DGKI: variants seen among roughly 807,000 people sequenced by gnomAD.
DGKI encodes the protein DAG kinase iota.
Under a neutral mutation model 147.5 loss-of-function variants are expected in DGKI, and 55 were observed. That is an observed-to-expected ratio of 0.37 (90% CI 0.30 to 0.47). The LOEUF (loss-of-function observed/expected upper bound fraction) is 0.47. Ranked by LOEUF, DGKI falls within the 20% of genes least tolerant of loss-of-function variation. The probability of loss-of-function intolerance (pLI) is 1.00; values close to 1 mark genes in which losing one functional copy is unlikely to be tolerated. For missense variants in DGKI, 1,007 were observed against 1,323.8 expected (o/e 0.76, Z 3.71); for synonymous variants, 469 against 477.1 (o/e 0.98, Z 0.22).
intron 1 of DGKI, among the ~76,000 whole-genome samples, chr7:137,699,458 G>A (rs2116503028): frequency 6.6e-6 from 1 of 152,304 alleles, no homozygotes; most frequent in African/African-American, 2.4e-5. Flanking sequence ...TGTACCTTCA[G>A]GGAAGTCTAC....
chr7:137,675,179 C>A (rs970610118), intron 3 of DGKI, among the ~76,000 whole-genome samples: 1 of 152,104 alleles, frequency 6.6e-6, no homozygotes, highest in Non-Finnish European at 1.5e-5. Flanking sequence ...GACCTCTTGC[C>A]CAAAGCAGCT....
chr7:137,603,261 G>A (rs1487404444), intron 10 of DGKI, among the ~76,000 whole-genome samples: 2 of 152,104 alleles, frequency 1.3e-5, no homozygotes, highest in Non-Finnish European at 2.9e-5. Flanking sequence ...TCAAGAACGG[G>A]TCGGTTCAAA....
intron 1 of DGKI, among the ~76,000 whole-genome samples, chr7:137,718,028 G>C (rs1794432510): frequency 6.6e-6 from 1 of 152,156 alleles, no homozygotes; most frequent in South Asian, 2.1e-4. Context: ...AATGTGCTTA[G>C]AGTGCCGTCC....
In DGKI at chr7:137,552,587, A is replaced by G; in HGVS notation, c.1948-19T>C. 6.2e-7 allele frequency: 1 copy of G among 1,612,520 alleles called. No homozygotes were observed. The highest frequency in any genetic ancestry group is 8.5e-7 in the Non-Finnish European group (1 of 1,179,144). On this transcript the variant is annotated intron_variant, in intron 19 of 32. Transcript: ENST00000614521. Reference sequence around the variant, plus strand: ...GGGCTGCCTATAAAAACAAGAGTCAAAGGGGAGCAAGGAGTTAGTTATTAT... The same window carrying G: ...GGGCTGCCTATAAAAACAAGAGTCAGAGGGGAGCAAGGAGTTAGTTATTAT...
chr7:137,626,456 G>A (rs1358939684), intron 6 of DGKI, among the ~76,000 whole-genome samples: 9 of 151,866 alleles, frequency 5.9e-5, no homozygotes, highest in African/African-American at 2.2e-4. Flanking sequence ...AGTTGCAACC[G>A]CCTAAACAGA....
intron 21 of DGKI, among the ~76,000 whole-genome samples, chr7:137,509,960 A>G (rs1816522358): frequency 6.6e-6 from 1 of 152,304 alleles, no homozygotes; most frequent in African/African-American, 2.4e-5. Context: ...AGAAAAAAAA[A>G]GGAGATGTTA....
intron 6 of DGKI, among the ~76,000 whole-genome samples, chr7:137,638,640 ATG>A (rs1426702314): frequency 4.5e-4 from 18 of 40,288 alleles, no homozygotes; most frequent in African/African-American, 2.4e-3. Flanking sequence ...GTGTGTATAT[ATG>A]TGTATGTATA....
chr7:137,672,005 TG>T (rs1822856863), intron 3 of DGKI, among the ~76,000 whole-genome samples: 1 of 152,222 alleles, frequency 6.6e-6, no homozygotes, highest in African/African-American at 2.4e-5. Flanking sequence ...TCCTGAAGTC[TG>T]ACAGTTCCAT....
At chr7:137,723,767 T>C (rs974920719) in intron 1 of DGKI, among the ~76,000 whole-genome samples, 3 of 137,624 alleles carry the variant, frequency 2.2e-5, no homozygotes, top group African/African-American at 8.2e-5. Flanking sequence ...TGGAGTACAA[T>C]GGTGCAATCT....
chr7:137,832,286 C>T (rs1338580136), intron 1 of DGKI, among the ~76,000 whole-genome samples: 1 of 152,240 alleles, frequency 6.6e-6, no homozygotes, highest in Admixed American at 6.5e-5. Flanking sequence ...TTCTGCACTG[C>T]CCTAGCAGAG....
intron 1 of DGKI, among the ~76,000 whole-genome samples, chr7:137,731,032 C>T (rs532535556): frequency 2.1e-4 from 32 of 152,120 alleles, no homozygotes; most frequent in African/African-American, 3.9e-4. Flanking sequence ...CCTACTATTC[C>T]GCCTCAGCCA....
chr7:137,580,586 C>T (rs533112024), intron 15 of DGKI, among the ~76,000 whole-genome samples: 1 of 152,070 alleles, frequency 6.6e-6, no homozygotes, highest in East Asian at 1.9e-4. Context: ...CTTTACAGAG[C>T]CTGTCCTCTC....
chr7:137,736,014 C>G (rs1361970894), intron 1 of DGKI, among the ~76,000 whole-genome samples: 1 of 152,084 alleles, frequency 6.6e-6, no homozygotes, highest in East Asian at 1.9e-4. Flanking sequence ...AACCTGAGCA[C>G]TGGACACAGG....
intron 1 of DGKI, chr7:137,843,503 C>CA: frequency 4.9e-6 from 4 of 818,682 alleles, no homozygotes; most frequent in Non-Finnish European, 5.9e-6. Context: ...AAATGGTTCT[C>CA]AAAAAAAGCC....
chr7:137,460,878 C>T (rs1225781967), intron 27 of DGKI, among the ~76,000 whole-genome samples: 1 of 151,956 alleles, frequency 6.6e-6, no homozygotes, highest in Non-Finnish European at 1.5e-5. Context: ...TACATGATGG[C>T]CTTCTATATA....
intron 19 of DGKI, among the ~76,000 whole-genome samples, chr7:137,569,900 A>G (rs1818737655): frequency 6.6e-6 from 1 of 152,052 alleles, no homozygotes; most frequent in African/African-American, 2.4e-5. Flanking sequence ...CTGGAAAGTA[A>G]GTCAACCCCA....
rs1819343855 is a variant in DGKI, at chr7:137,585,190, G to C, written c.1563+19C>G. 1.2e-6 allele frequency: 2 copies of C among 1,613,530 alleles called. No homozygotes were observed. The highest frequency in any genetic ancestry group is 2.2e-5 in the South Asian group (2 of 91,018). On this transcript the variant is annotated intron_variant, in intron 14 of 32. Transcript: ENST00000614521. Reference sequence around the variant, plus strand: ...AGATGCTCCAGGGCTCCTTTCTGCAGAACAAAAAACTCTCTAACCTTACAT... The same window carrying C: ...AGATGCTCCAGGGCTCCTTTCTGCACAACAAAAAACTCTCTAACCTTACAT...
rs116398394 is a variant in DGKI at position 137,583,715 on chromosome 7, C to T, written c.1563+1494G>A. Among the ~76,000 whole-genome samples the T allele has an allele frequency of 3.6e-3, 543 of 151,968 alleles. 4 individuals are homozygous for T. Among genetic ancestry groups the T allele is most frequent in the African/African-American group, 0.012 (511 of 41,454 alleles). On this transcript the variant is annotated intron_variant, in intron 14 of 32. Coordinates refer to ENST00000614521, the MANE Select transcript of DGKI (RefSeq NM_001321708.2). Reference sequence around the variant, plus strand: ...ATTTCTATTGCACGTCTAACTATTCCAAGTTTAGTAGGAAAAGAAACTTAC... The same window carrying T: ...ATTTCTATTGCACGTCTAACTATTCTAAGTTTAGTAGGAAAAGAAACTTAC...
intron 21 of DGKI, among the ~76,000 whole-genome samples, chr7:137,503,186 C>T (rs766340886): frequency 1.3e-5 from 2 of 152,140 alleles, no homozygotes; most frequent in African/African-American, 2.4e-5. Flanking sequence ...TGCTATATAA[C>T]CTTGTCTGTA....
Sources: allele counts gnomAD v4.1 joint callset (sites outside exome capture counted in the v4.1 genomes callset), GRCh38; gene constraint gnomAD v4.1.1; transcripts MANE v1.5; gene names NCBI Gene and HGNC (gene_info 2026-07-23, HGNC 2026-07-21).